Variants in RASGRP2 observed in about 807,000 individuals in gnomAD.
RASGRP2 encodes the protein RAS guanyl-releasing protein 2.
A neutral mutation model predicts 71.0 loss-of-function variants in RASGRP2; 44 were observed. The ratio of observed to expected loss-of-function variants is 0.62; its 90% confidence interval spans 0.49 to 0.80. The LOEUF (loss-of-function observed/expected upper bound fraction) is 0.80, where lower values mean the gene tolerates loss of function less well. Ranked by LOEUF, RASGRP2 falls within the 30% of genes least tolerant of loss-of-function variation. RASGRP2 has a pLI of 0.00. For missense variants in RASGRP2, 663 were observed against 813.4 expected, an observed-to-expected ratio of 0.82 and a Z score of 2.25; for synonymous variants, 350 against 330.7, an observed-to-expected ratio of 1.06 and a Z score of -0.63.
At chr11:64,727,747 C>G (rs1292035538) in intron 15 of RASGRP2, among the ~76,000 whole-genome samples, 1 of 152,088 alleles carries the variant, frequency 6.6e-6, no homozygotes, top group Non-Finnish European at 1.5e-5. Flanking sequence ...CAACTCCTGA[C>G]CTCGGGTGAT....
chr11:64,729,938 T>C (rs2135729920), intron 13 of RASGRP2, 115 bp downstream of exon 13: 3 of 1,536,104 alleles, frequency 2.0e-6, no homozygotes, highest in Non-Finnish European at 2.7e-6. Flanking sequence ...GCAAATAGAA[T>C]TACCAGGTTT....
intron 15 of RASGRP2, 56 bp downstream of exon 15, chr11:64,728,807 C>T: frequency 6.7e-7 from 1 of 1,483,896 alleles, no homozygotes; most frequent in Non-Finnish European, 9.2e-7. Context: ...CGTTCTTTGC[C>T]CCAGTAGCCC....
chr11:64,744,613 CA>C (rs1185890854), upstream of RASGRP2: 1 of 152,054 alleles, frequency 6.6e-6, no homozygotes, highest in Non-Finnish European at 1.5e-5. Flanking sequence ...CCCCCTCTCC[CA>C]GACCCGGGCC....
chr11:64,737,105 G>A, intron 8 of RASGRP2, 71 bp from the exon 9 acceptor site: 1 of 1,582,068 alleles, frequency 6.3e-7, no homozygotes, highest in Non-Finnish European at 8.6e-7. Flanking sequence ...AAATGTAGGA[G>A]GGGGTGAGGA....
At chr11:64,736,096 C>T in intron 9 of RASGRP2, 116 bp from the exon 10 acceptor site, 1 of 814,832 alleles carries the variant, frequency 1.2e-6, no homozygotes, top group Non-Finnish European at 2.1e-6. Context: ...AGAAGCTAGA[C>T]TCAGGACAAA....
At chr11:64,727,506 ATTTTTTTTTTTTTT>A in intron 15 of RASGRP2, 146 bp from the exon 16 acceptor site, 1 of 322,900 alleles carries the variant, frequency 3.1e-6, no homozygotes, top group Non-Finnish European at 5.5e-6. Context: ...TCACAGCCCA[ATTTTTTTTTTTTTT>A]TTTTTTTTTT....
chr11:64,742,943 C>T lies in RASGRP2; in HGVS notation c.-71-6G>A, dbSNP rs2058183626. On this transcript the variant is annotated splice_polypyrimidine_tract_variant and splice_region_variant and intron_variant, in intron 1 of 16. Coordinates refer to ENST00000394432, the MANE Select transcript of RASGRP2 (RefSeq NM_001098671.2). The surrounding 1 kb of genome is among the most constrained non-coding windows in gnomAD (Gnocchi z 4.7). ...ACCGGGCTCGGACCGAACCCCTGTCCCGGGAGAGGCAGAGCGGGAGTCTGC... is the reference window on the plus strand; with the variant it reads ...ACCGGGCTCGGACCGAACCCCTGTCTCGGGAGAGGCAGAGCGGGAGTCTGC... 6.5e-7 allele frequency: 1 copy of T among 1,530,300 alleles called. No homozygotes were observed. The allele number at this position is 1,530,300 out of a possible 1,614,324, so 94.8% of individuals were successfully genotyped here.
At chr11:64,730,319 T>C in intron 12 of RASGRP2, 125 bp from the exon 13 acceptor site, 1 of 1,265,596 alleles carries the variant, frequency 7.9e-7, no homozygotes, top group East Asian at 2.5e-5. Context: ...TGTTGCAGAG[T>C]AAAGAAAAGG....
rs1370017556 is a variant in RASGRP2, at chr11:64,743,140, C to A, written c.-71-203G>T. On this transcript the variant is annotated intron_variant, in intron 1 of 16. Transcript: ENST00000394432. This position sits in a 1 kb window ranked among gnomAD's most constrained non-coding sequence, Gnocchi z 4.9. Reference sequence around the variant, plus strand: ...ACGGACCCGCAGAGAGGCTTCCGGCCCACCCTCGGAGTCGCGGGAAGGCCG... The same window carrying A: ...ACGGACCCGCAGAGAGGCTTCCGGCACACCCTCGGAGTCGCGGGAAGGCCG... The A allele has an allele frequency of 1.5e-6, 1 of 662,394 alleles. No individual in the cohort carries two copies. The highest frequency in any genetic ancestry group is 1.5e-5 in the South Asian group (1 of 66,616). 41.0% of individuals were successfully genotyped at this position (662,394 alleles called of 1,614,324 possible).
rs1315465632 is a variant in RASGRP2, at chr11:64,735,523, A to G, written c.1296+19T>C. ...ACTGGCCTCTCCCCACACACTGCTCAGGCTCCGCAGGAGCTCACCTCCACC... is the reference window on the plus strand; with the variant it reads ...ACTGGCCTCTCCCCACACACTGCTCGGGCTCCGCAGGAGCTCACCTCCACC... On this transcript the variant is annotated intron_variant, in intron 11 of 16. Transcript: ENST00000394432. This position sits in a 1 kb window ranked among gnomAD's most constrained non-coding sequence, Gnocchi z 4.2. 4 of 1,613,776 alleles carry G rather than the reference A, an allele frequency of 2.5e-6. No homozygotes were observed. The Admixed American group carries it at 6.7e-5, about 27-fold the overall frequency.
rs2057960416 is a variant in RASGRP2, at chr11:64,736,960, A to G, written c.888T>C (p.Cys296=). 1 of 1,613,802 alleles carries G rather than the reference A, an allele frequency of 6.2e-7. No individual in the cohort carries two copies. The change falls in exon 9 of 17, where the codon TGT becomes TGC. Residue 296 remains cysteine (C), a synonymous_variant. Transcript: ENST00000394432. The stretch of plus-strand genomic sequence containing the variant: ...CCAGGATCGGGAAGCGGAAGCCCAC[A>G]CAGGCTGCCAGCCGACGCCGGTAGT... ...YGNYRRRLAA[C]VGFRFPILGV...
rs955766749 is a variant in RASGRP2, at chr11:64,735,894, C to A, written c.1173+9G>T. On this transcript the variant is annotated intron_variant, in intron 10 of 16. Coordinates refer to ENST00000394432, the MANE Select transcript of RASGRP2 (RefSeq NM_001098671.2). The surrounding 1 kb of genome is among the most constrained non-coding windows in gnomAD (Gnocchi z 4.2). ...AGGGCAGAGTGGAGAGGAGGGAGTA[C>A]CCCCTCACCGAGGACTTGGAGCGCG... is the stretch of plus-strand genomic sequence containing the variant. The A allele has an allele frequency of 6.2e-7, 1 of 1,612,124 alleles. No individual in the cohort carries two copies. The highest frequency in any genetic ancestry group is 1.1e-5 in the South Asian group (1 of 90,882).
Position 64,743,789 on chromosome 11 carries a change from C to T in RASGRP2, c.-72+214G>A, listed in dbSNP as rs1462689089. ...GGTGGGTGCATGACACCATTAGCAA[C>T]TCCGGTCACTGGCGGGGTCATACGC... On this transcript the variant is annotated intron_variant, in intron 1 of 16. Coordinates refer to ENST00000394432, the MANE Select transcript of RASGRP2 (RefSeq NM_001098671.2). This position sits in a 1 kb window ranked among gnomAD's most constrained non-coding sequence, Gnocchi z 4.9. The T allele has an allele frequency of 4.2e-6, 1 of 239,406 alleles. No homozygotes were observed. The highest frequency in any genetic ancestry group is 8.3e-6 in the Non-Finnish European group (1 of 120,786). The allele number at this position is 239,406 out of a possible 1,614,324, so 14.8% of individuals were successfully genotyped here. A position where few individuals can be genotyped will look rare whatever the true frequency, so the allele number is the denominator to read the frequency against.
At chr11:64,741,309 C>G in intron 4 of RASGRP2, 130 bp downstream of exon 4, 1 of 1,162,466 alleles carries the variant, frequency 8.6e-7, no homozygotes. Flanking sequence ...TGTGGCAGCA[C>G]TGCCCACCCG....
At chr11:64,733,853 C>CTTTTTTTTTTTTTTTT (rs200730812) in intron 12 of RASGRP2, among the ~76,000 whole-genome samples, 1 of 135,656 alleles carries the variant, frequency 7.4e-6, no homozygotes, top group Non-Finnish European at 1.5e-5. Context: ...CTTTTTTTTT[C>CTTTTTTTTTTTTTTTT]TTTTTTTTTT....
At position 64,741,522 on chromosome 11, in the gene RASGRP2, G is replaced by A. The variant is rs756880205; in HGVS notation, c.177-21C>T. 3 of 1,556,172 alleles carry A rather than the reference G, an allele frequency of 1.9e-6. No homozygotes were observed. In the South Asian group the frequency reaches 3.5e-5, roughly 18 times the overall value. ...GGTAGGTGAAGGAGAGGGTTAAGGA[G>A]GCCGCTTAACTCTAGAAAGGGAGGC... On this transcript the variant is annotated intron_variant, in intron 3 of 16. Coordinates refer to ENST00000394432, the MANE Select transcript of RASGRP2 (RefSeq NM_001098671.2).
Position 64,735,668 on chromosome 11 carries a change from T to A in RASGRP2, c.1174-4A>T. On this transcript the variant is annotated splice_region_variant and splice_polypyrimidine_tract_variant and intron_variant, in intron 10 of 16. Transcript: ENST00000394432. The surrounding 1 kb of genome is among the most constrained non-coding windows in gnomAD (Gnocchi z 4.2). ...TGCAACTCGTGGGGCTGGTTGGCTATGGAAATGGTCGGGCCTGAGCTAGGG... is the reference window on the plus strand; with the variant it reads ...TGCAACTCGTGGGGCTGGTTGGCTAAGGAAATGGTCGGGCCTGAGCTAGGG... 1 of 1,609,464 alleles carries A rather than the reference T, an allele frequency of 6.2e-7. No homozygotes were observed. Among genetic ancestry groups the A allele is most frequent in the South Asian group, 1.1e-5 (1 of 90,424 alleles).
At chr11:64,741,620 G>C in intron 3 of RASGRP2, 119 bp from the exon 4 acceptor site, 1 of 922,450 alleles carries the variant, frequency 1.1e-6, no homozygotes, top group Non-Finnish European at 1.7e-6. Context: ...TGCGCTCTGC[G>C]GAGATGCTGG....
chr11:64,742,915 C>T lies in RASGRP2; in HGVS notation c.-49G>A, dbSNP rs367989005. On this transcript the variant is annotated 5_prime_UTR_variant, in exon 2 of 17. Coordinates refer to ENST00000394432, the MANE Select transcript of RASGRP2 (RefSeq NM_001098671.2). The surrounding 1 kb of genome is among the most constrained non-coding windows in gnomAD (Gnocchi z 4.7). ...GGCCCAGGCTGCGCTCCGGGAGCCT[C>T]CCACCGGGCTCGGACCGAACCCCTG... is the stretch of plus-strand genomic sequence containing the variant. The T allele has an allele frequency of 1.9e-6, 3 of 1,546,358 alleles. No homozygotes were observed. Among genetic ancestry groups the T allele is most frequent in the Non-Finnish European group, 2.6e-6 (3 of 1,151,076 alleles).
Sources: gnomAD v4.1 joint callset for allele counts (sites outside exome capture counted in the v4.1 genomes callset) on GRCh38, gnomAD v4.1.1 for gene constraint, Gnocchi (gnomAD v3.1) non-coding constraint, MANE v1.5 for transcripts, NCBI Gene and HGNC (gene_info 2026-07-23, HGNC 2026-07-21) for gene names.